Variants in FAM171A1 observed in about 807,000 individuals in gnomAD.
FAM171A1 encodes the protein protein FAM171A1.
FAM171A1 carries 23 observed loss-of-function variants against 74.9 expected under a neutral mutation model. The observed-to-expected ratio is 0.31, with a 90% CI of 0.22 to 0.44. The LOEUF (loss-of-function observed/expected upper bound fraction) is 0.44, where lower values mean the gene tolerates loss of function less well. Ranked by LOEUF, FAM171A1 falls within the 20% of genes least tolerant of loss-of-function variation. The probability of loss-of-function intolerance (pLI) is 1.00; values close to 1 mark genes in which losing one functional copy is unlikely to be tolerated. For missense variants in FAM171A1, 1,162 were observed against 1,159.2 expected, an observed-to-expected ratio of 1.00 and a Z score of -0.03; for synonymous variants, 527 against 505.7, an observed-to-expected ratio of 1.04 and a Z score of -0.57.
At chr10:15,251,423 GAC>G (rs1375375093) in intron 4 of FAM171A1, among the ~76,000 whole-genome samples, 2 of 127,280 alleles carry the variant, frequency 1.6e-5, no homozygotes, top group Admixed American at 1.6e-4. Context: ...TTTTTTTTTA[GAC>G]AGAGTCTTGC....
rs71505064 is a variant in FAM171A1 at position 15,288,813 on chromosome 10, CTT to C, written c.98-4710_98-4709del. ...AAAATGTCAGTATGATTCGGTAATTCTTTTTTTTTTTTTTTTTTTTTTTTTTG... is the reference window on the plus strand; with the variant it reads ...AAAATGTCAGTATGATTCGGTAATTCTTTTTTTTTTTTTTTTTTTTTTTTG... On this transcript the variant is annotated intron_variant, in intron 1 of 7. Coordinates refer to ENST00000378116, the MANE Select transcript of FAM171A1 (RefSeq NM_001010924.2). Among the ~76,000 whole-genome samples, 6 of 73,698 alleles carry C rather than the reference CTT, an allele frequency of 8.1e-5. No homozygotes were observed. The East Asian group carries it at 2.4e-3, about 30-fold the overall frequency. The allele number at this position is 73,698 out of a possible 152,430, so 48.3% of individuals were successfully genotyped here.
chr10:15,349,939 T>A lies in FAM171A1; in HGVS notation c.97+21017A>T, dbSNP rs139791434. Among the ~76,000 whole-genome samples, 70 of 152,204 alleles carry A rather than the reference T, an allele frequency of 4.6e-4. No homozygotes were observed. The East Asian group carries it at 8.5e-3, about 19-fold the overall frequency. ...AGGTGGGCTGGAGGAAAATTCATGC[T>A]GGAAAAGCCAGGCGCTTTGATGTTG... On this transcript the variant is annotated intron_variant, in intron 1 of 7. Transcript: ENST00000378116.
chr10:15,296,951 C>T (rs1835168797), intron 1 of FAM171A1, among the ~76,000 whole-genome samples: 1 of 152,184 alleles, frequency 6.6e-6, no homozygotes, highest in Non-Finnish European at 1.5e-5. Context: ...GACTCGACAG[C>T]TACAGCTTCA....
rs754506637 is a variant in FAM171A1 at position 15,214,235 on chromosome 10, C to T, written c.1353G>A (p.Gly451=). 40 of 1,614,054 alleles carry T rather than the reference C, an allele frequency of 2.5e-5. No individual in the cohort carries two copies. Among genetic ancestry groups the T allele is most frequent in the Non-Finnish European group, 3.1e-5 (37 of 1,180,036 alleles). Reference sequence around the variant, plus strand: ...ACTTATGGTAGTCTTTCCCCAGCGTCCCACTTGGAGTGAGGTTATCAAAGG... The same window carrying T: ...ACTTATGGTAGTCTTTCCCCAGCGTTCCACTTGGAGTGAGGTTATCAAAGG... ...QISFDNLTPS[G]TLGKDYHKSV... The change falls in exon 8 of 8, where the codon GGG becomes GGA. Residue 451 remains glycine (G), a synonymous_variant. Transcript: ENST00000378116.
chr10:15,370,406 GC>G (rs1240187301), intron 1 of FAM171A1, among the ~76,000 whole-genome samples: 2 of 150,368 alleles, frequency 1.3e-5, no homozygotes, highest in African/African-American at 5.0e-5. Flanking sequence ...ACTGCGGCAG[GC>G]TAGTGGCTAG....
At chr10:15,240,140 C>T (rs191952323) in intron 5 of FAM171A1, among the ~76,000 whole-genome samples, 131 of 152,330 alleles carry the variant, frequency 8.6e-4, no homozygotes, top group African/African-American at 2.9e-3. Context: ...AGAGGCGGAT[C>T]ACTTGAGGTC....
intron 2 of FAM171A1, among the ~76,000 whole-genome samples, chr10:15,278,852 C>T (rs111818028): frequency 2.0e-5 from 3 of 152,270 alleles, no homozygotes; most frequent in African/African-American, 4.8e-5. Context: ...TTGGGTAAAT[C>T]CCGCATGACC....
chr10:15,248,677 T>C lies in FAM171A1; in HGVS notation c.716A>G (p.Asn239Ser). The change falls in exon 5 of 8, where the codon AAT becomes AGT. Residue 239 changes from asparagine (N) to serine (S), a missense_variant. Asn to Ser is a conservative substitution (Grantham distance 46). Coordinates refer to ENST00000378116, the MANE Select transcript of FAM171A1 (RefSeq NM_001010924.2). ...PLATQSSLRH[N>S]AYVAAWRFDQ... ...AAACCGCCACGCCGCGACATAGGCA[T>C]TGTGCCTCAGGCTGCTCTGCGTGGC... 1 of 1,611,488 alleles carries C rather than the reference T, an allele frequency of 6.2e-7. No individual in the cohort carries two copies. Among genetic ancestry groups the C allele is most frequent in the Non-Finnish European group, 8.5e-7 (1 of 1,178,764 alleles).
At position 15,283,966 on chromosome 10, in the gene FAM171A1, C is replaced by G. The variant is rs769596225; in HGVS notation, c.237G>C (p.Gln79His). 2 of 1,614,160 alleles carry G rather than the reference C, an allele frequency of 1.2e-6. No individual in the cohort carries two copies. The highest frequency in any genetic ancestry group is 1.7e-6 in the Non-Finnish European group (2 of 1,180,032). The part of the protein sequence containing the change: ...GTDGVAFIKF[Q>H]YKLGSQLIVT... Reference sequence around the variant, plus strand: ...CAATCAACTGACTGCCCAGCTTATACTGGAACTTGATAAAGGCGACGCCAT... The same window carrying G: ...CAATCAACTGACTGCCCAGCTTATAGTGGAACTTGATAAAGGCGACGCCAT... Residue 79 changes from glutamine (Q) to histidine (H), a missense_variant, in exon 2 of 8, where the codon CAG becomes CAC. Coordinates refer to ENST00000378116, the MANE Select transcript of FAM171A1 (RefSeq NM_001010924.2).
At chr10:15,247,467 A>C (rs1834449414) in intron 5 of FAM171A1, among the ~76,000 whole-genome samples, 1 of 151,740 alleles carries the variant, frequency 6.6e-6, no homozygotes, top group African/African-American at 2.4e-5. Flanking sequence ...ATTTCTGCTA[A>C]ATATGCTTTG....
chr10:15,256,839 C>T (rs1355572401), intron 3 of FAM171A1, among the ~76,000 whole-genome samples: 1 of 152,198 alleles, frequency 6.6e-6, no homozygotes, highest in South Asian at 2.1e-4. Flanking sequence ...CTTGCCCACA[C>T]ACATGGCGCA....
chr10:15,229,527 CTCA>C (rs1834158459), intron 5 of FAM171A1, among the ~76,000 whole-genome samples: 25 of 130,014 alleles, frequency 1.9e-4, no homozygotes, highest in Admixed American at 2.3e-4. Flanking sequence ...TGTCACCCCC[CTCA>C]CCATCATCAC....
At chr10:15,248,498 A>T in intron 5 of FAM171A1, 141 bp downstream of exon 5, 1 of 825,152 alleles carries the variant, frequency 1.2e-6, no homozygotes, top group Non-Finnish European at 1.8e-6. Context: ...TGCCGTCCCC[A>T]TGAGAAACCA....
At chr10:15,320,216 G>A (rs368976663) in intron 1 of FAM171A1, among the ~76,000 whole-genome samples, 4 of 152,272 alleles carry the variant, frequency 2.6e-5, no homozygotes, top group African/African-American at 4.8e-5. Flanking sequence ...AAGTGAGAAC[G>A]TGGTATTCAG....
intron 1 of FAM171A1, among the ~76,000 whole-genome samples, chr10:15,353,393 AT>A (rs1835900424): frequency 6.6e-6 from 1 of 152,216 alleles, no homozygotes; most frequent in Admixed American, 6.5e-5. Context: ...CTAACTCAGA[AT>A]AATCACAGAT....
intron 5 of FAM171A1, among the ~76,000 whole-genome samples, chr10:15,235,454 G>C (rs562324452): frequency 8.3e-6 from 1 of 120,136 alleles, no homozygotes; most frequent in African/African-American, 3.9e-5. Flanking sequence ...TCCATGGCTA[G>C]GTGGGGCTTC....
intron 5 of FAM171A1, among the ~76,000 whole-genome samples, chr10:15,240,301 C>T (rs1008281237): frequency 2.6e-5 from 4 of 152,088 alleles, no homozygotes; most frequent in Admixed American, 6.5e-5. Flanking sequence ...GCAGAGGTTG[C>T]GGTGAGCTGA....
chr10:15,261,751 A>G (rs900869425), intron 3 of FAM171A1, among the ~76,000 whole-genome samples: 3 of 152,120 alleles, frequency 2.0e-5, no homozygotes, highest in African/African-American at 7.2e-5. Flanking sequence ...TGGGGAAGTG[A>G]AGGAACTCTC....
In FAM171A1 at chr10:15,302,251, G is replaced by A. The variant is rs777420657; in HGVS notation, c.98-18146C>T. ...GGCCAACGTGGGTGGATCACCTGAG[G>A]TCAGGGGTTTGAGACCAGCCTGGTC... is the stretch of plus-strand genomic sequence containing the variant. On this transcript the variant is annotated intron_variant, in intron 1 of 7. Coordinates refer to ENST00000378116, the MANE Select transcript of FAM171A1 (RefSeq NM_001010924.2). Among the ~76,000 whole-genome samples the A allele has an allele frequency of 7.2e-5, 11 of 152,222 alleles. No homozygotes were observed. The Middle Eastern group carries it at 0.01, about 141-fold the overall frequency.
Sources: allele counts gnomAD v4.1 joint callset (sites outside exome capture counted in the v4.1 genomes callset), GRCh38; gene constraint gnomAD v4.1.1; transcripts MANE v1.5; gene names NCBI Gene and HGNC (gene_info 2026-07-23, HGNC 2026-07-21).